CTNND2: variants seen among roughly 807,000 people sequenced by gnomAD.
The protein encoded by CTNND2 is catenin delta 2.
CTNND2 carries 22 observed loss-of-function variants against 144.4 expected under a neutral mutation model. That is an observed-to-expected ratio of 0.15 (90% CI 0.11 to 0.22). CTNND2 has a LOEUF of 0.22. Among genes scored for constraint, CTNND2 ranks in the 10% least tolerant of loss-of-function variants. CTNND2 has a pLI of 1.00. For synonymous variants in CTNND2, 751 were observed against 695.6 expected (o/e 1.08, Z -1.25); for missense variants, 1,353 against 1,618.8 (o/e 0.84, Z 2.82).
chr5:11,739,692 G>A (rs763594556), intron 1 of CTNND2, among the ~76,000 whole-genome samples: 6 of 152,104 alleles, frequency 3.9e-5, no homozygotes, highest in Admixed American at 6.6e-5. Context: ...GTTCTGGCCC[G>A]GGCAATCAGG....
At chr5:11,134,728 G>A (rs1391548338) in intron 12 of CTNND2, among the ~76,000 whole-genome samples, 1 of 152,174 alleles carries the variant, frequency 6.6e-6, no homozygotes, top group Non-Finnish European at 1.5e-5. Context: ...AGCTAAATGA[G>A]TTTCTCACCA....
At chr5:11,462,301 T>A (rs2149936180) in intron 3 of CTNND2, among the ~76,000 whole-genome samples, 1 of 152,272 alleles carries the variant, frequency 6.6e-6, no homozygotes, top group South Asian at 2.1e-4. Flanking sequence ...GCATAGGACT[T>A]GGGGGAGCTG....
At chr5:11,613,651 A>C (rs904510495) in intron 2 of CTNND2, among the ~76,000 whole-genome samples, 2 of 152,146 alleles carry the variant, frequency 1.3e-5, no homozygotes, top group African/African-American at 4.8e-5. Flanking sequence ...TTTCCTGGAG[A>C]TAACCAATGT....
chr5:11,416,167 G>A (rs1328133161), intron 3 of CTNND2, among the ~76,000 whole-genome samples: 7 of 152,128 alleles, frequency 4.6e-5, no homozygotes, highest in East Asian at 1.9e-4. Context: ...AGGTGGTGCC[G>A]ATTTTATGTG....
intron 9 of CTNND2, among the ~76,000 whole-genome samples, chr5:11,294,900 C>T (rs1748742116): frequency 6.6e-6 from 1 of 152,180 alleles, no homozygotes; most frequent in Admixed American, 6.5e-5. Context: ...AAACTGGAAG[C>T]ATTCCCTTTG....
intron 9 of CTNND2, among the ~76,000 whole-genome samples, chr5:11,285,340 A>G (rs540234333): frequency 2.0e-5 from 3 of 152,220 alleles, no homozygotes; most frequent in African/African-American, 7.2e-5. Flanking sequence ...CTCTTCCCCT[A>G]TTGCAATAGT....
At chr5:11,074,434 G>A (rs1748694900) in intron 16 of CTNND2, among the ~76,000 whole-genome samples, 1 of 152,154 alleles carries the variant, frequency 6.6e-6, no homozygotes, top group Admixed American at 6.5e-5. Context: ...GGACTTTGAG[G>A]AATGATGTCC....
intron 1 of CTNND2, among the ~76,000 whole-genome samples, chr5:11,814,336 C>T (rs1177956566): frequency 6.6e-6 from 1 of 152,214 alleles, no homozygotes; most frequent in Non-Finnish European, 1.5e-5. Context: ...TTTGAGTCCC[C>T]AGTGGACAAA....
chr5:11,103,387 T>C (rs1028811921), intron 14 of CTNND2, among the ~76,000 whole-genome samples: 1 of 152,100 alleles, frequency 6.6e-6, no homozygotes, highest in African/African-American at 2.4e-5. Flanking sequence ...AACCTGAAAG[T>C]AGGCTGGGCA....
chr5:11,446,354 C>T (rs1764796292), intron 3 of CTNND2, among the ~76,000 whole-genome samples: 1 of 152,144 alleles, frequency 6.6e-6, no homozygotes, highest in Admixed American at 6.5e-5. Flanking sequence ...AGTTCTTCTC[C>T]TCGGTTCATG....
chr5:11,088,990 T>A (rs141939575), intron 15 of CTNND2, among the ~76,000 whole-genome samples: 141 of 152,320 alleles, frequency 9.3e-4, no homozygotes, highest in African/African-American at 3.0e-3. Context: ...GCTGTGATCT[T>A]GACTTTCATA....
In CTNND2 at chr5:11,011,064, G is replaced by A. The variant is rs527719982; in HGVS notation, c.3084+6910C>T. Among the ~76,000 whole-genome samples, 43 of 152,192 alleles carry A rather than the reference G, an allele frequency of 2.8e-4. No homozygotes were observed. In the South Asian group the frequency reaches 8.9e-3, roughly 32 times the overall value. On this transcript the variant is annotated intron_variant, in intron 18 of 21. Transcript: ENST00000304623. The stretch of plus-strand genomic sequence containing the variant: ...TTGTGTGTGGGGTGGAGTGGAGGGG[G>A]GCACAACCATAAAAACACCAGACCA...
intron 18 of CTNND2, among the ~76,000 whole-genome samples, chr5:11,013,978 C>A (rs1454682370): frequency 6.6e-6 from 1 of 152,182 alleles, no homozygotes; most frequent in Non-Finnish European, 1.5e-5. Context: ...AATGATGTTT[C>A]TTTTGCAAGG....
At chr5:11,628,066 G>T (rs1455184527) in intron 2 of CTNND2, among the ~76,000 whole-genome samples, 4 of 151,952 alleles carry the variant, frequency 2.6e-5, no homozygotes, top group African/African-American at 9.7e-5. Context: ...CCAATCCATG[G>T]CCCAGGGGTT....
chr5:11,894,608 T>C (rs1737250859), intron 1 of CTNND2, among the ~76,000 whole-genome samples: 1 of 152,224 alleles, frequency 6.6e-6, no homozygotes. Flanking sequence ...CCAGAGAATA[T>C]ATTTTATACT....
intron 1 of CTNND2, among the ~76,000 whole-genome samples, chr5:11,876,274 C>T (rs577439847): frequency 2.3e-5 from 3 of 129,892 alleles, no homozygotes; most frequent in Non-Finnish European, 3.2e-5. Flanking sequence ...GCAGGAAAGG[C>T]GGGGAGAGGG....
chr5:11,252,648 A>G lies in CTNND2; in HGVS notation c.1629-15825T>C, dbSNP rs557367826. Among the ~76,000 whole-genome samples the G allele has an allele frequency of 3.9e-4, 60 of 152,302 alleles. No individual in the cohort carries two copies. The East Asian group carries it at 9.1e-3, about 23-fold the overall frequency. On this transcript the variant is annotated intron_variant, in intron 9 of 21. Coordinates refer to ENST00000304623, the MANE Select transcript of CTNND2 (RefSeq NM_001332.4). ...TATAGATGTAACATTTGCAGTATAG[A>G]GAGCTTCAGCCACTTGCTAGGAGTC...
intron 6 of CTNND2, among the ~76,000 whole-genome samples, chr5:11,390,055 C>T (rs1263313087): frequency 6.6e-6 from 1 of 152,198 alleles, no homozygotes; most frequent in African/African-American, 2.4e-5. Flanking sequence ...CACTTCTGAT[C>T]CCCTGCATTT....
chr5:11,392,085 G>A (rs546058091), intron 6 of CTNND2, among the ~76,000 whole-genome samples: 32 of 152,304 alleles, frequency 2.1e-4, no homozygotes, highest in African/African-American at 7.7e-4. Flanking sequence ...GAGAAAGTGA[G>A]AGAGAGAAAT....
Sources: gnomAD v4.1 joint callset for allele counts (sites outside exome capture counted in the v4.1 genomes callset) on GRCh38, gnomAD v4.1.1 for gene constraint, MANE v1.5 for transcripts, NCBI Gene and HGNC (gene_info 2026-07-23, HGNC 2026-07-21) for gene names.